The following CHRM3 variants were observed in gnomAD, a reference collection of about 807,000 sequenced individuals.
CHRM3 encodes cholinergic receptor muscarinic 3.
Under a neutral mutation model 41.8 loss-of-function variants are expected in CHRM3, and 11 were observed. That is an observed-to-expected ratio of 0.26 (90% CI 0.17 to 0.44). The LOEUF is 0.44. CHRM3 is among the 20% of genes least tolerant of loss of function. CHRM3 has a pLI of 1.00. For missense variants in CHRM3, 571 were observed against 745.4 expected (o/e 0.77, Z 2.72); for synonymous variants, 297 against 301.4 (o/e 0.99, Z 0.15).
chr1:239,776,615 G>T (rs1270265424), intron 5 of CHRM3, among the ~76,000 whole-genome samples: 1 of 152,158 alleles, frequency 6.6e-6, no homozygotes, highest in Non-Finnish European at 1.5e-5. Context: ...GAAAAAATTC[G>T]CTAAATGAGG....
At chr1:239,642,688 T>C (rs374281593) in intron 4 of CHRM3, among the ~76,000 whole-genome samples, 17 of 152,316 alleles carry the variant, frequency 1.1e-4, no homozygotes, top group South Asian at 6.2e-4. Flanking sequence ...TCAAAGTTTT[T>C]AACTTCTTTG....
At chr1:239,606,644 A>G (rs192031223) in intron 3 of CHRM3, among the ~76,000 whole-genome samples, 35 of 152,288 alleles carry the variant, frequency 2.3e-4, no homozygotes, top group African/African-American at 7.5e-4. Flanking sequence ...TGTTGCCCCA[A>G]TAATTTTTAA....
chr1:239,676,914 A>G (rs935681920), intron 4 of CHRM3, among the ~76,000 whole-genome samples: 2 of 152,232 alleles, frequency 1.3e-5, no homozygotes, highest in Non-Finnish European at 1.5e-5. Flanking sequence ...CATCGTGTGC[A>G]TAAGTTTGAT....
At chr1:239,545,179 TA>T (rs1444264404) in intron 2 of CHRM3, among the ~76,000 whole-genome samples, 2 of 152,222 alleles carry the variant, frequency 1.3e-5, no homozygotes, top group East Asian at 3.8e-4. Flanking sequence ...GAGTCAGACA[TA>T]TTTACTGACT....
At chr1:239,408,219 G>A (rs1396728555) in intron 1 of CHRM3, 1 of 152,128 alleles carries the variant, frequency 6.6e-6, no homozygotes, top group African/African-American at 2.4e-5. Flanking sequence ...TGTGAGGACA[G>A]ACGTATTTGC....
At chr1:239,540,232 T>TATCAA (rs1572649122) in intron 2 of CHRM3, among the ~76,000 whole-genome samples, 1 of 152,194 alleles carries the variant, frequency 6.6e-6, no homozygotes, top group East Asian at 1.9e-4. Context: ...TACTTTATCT[T>TATCAA]AACAAAATGT....
At chr1:239,902,270 T>C (rs564759629) in intron 6 of CHRM3, among the ~76,000 whole-genome samples, 1 of 152,310 alleles carries the variant, frequency 6.6e-6, no homozygotes, top group South Asian at 2.1e-4. Context: ...ACCACAATGC[T>C]TCTTATCTTC....
intron 1 of CHRM3, among the ~76,000 whole-genome samples, chr1:239,479,237 CAG>C (rs1356809198): frequency 1.4e-5 from 2 of 142,310 alleles, no homozygotes; most frequent in African/African-American, 5.2e-5. Flanking sequence ...CACAGAAAAA[CAG>C]AGAGACAGCA....
chr1:239,424,054 CAAAA>C (rs772980892), intron 1 of CHRM3, among the ~76,000 whole-genome samples: 3 of 78,900 alleles, frequency 3.8e-5, no homozygotes, highest in Non-Finnish European at 5.2e-5. Flanking sequence ...GACTCTGTCT[CAAAA>C]AAAAAAAAAA....
chr1:239,742,571 G>A (rs1664953216), intron 5 of CHRM3, among the ~76,000 whole-genome samples: 1 of 152,110 alleles, frequency 6.6e-6, no homozygotes, highest in Non-Finnish European at 1.5e-5. Context: ...CAAATGTCAT[G>A]CTCTTCCCAT....
At chr1:239,692,603 A>G (rs1182603091) in intron 5 of CHRM3, among the ~76,000 whole-genome samples, 1 of 152,188 alleles carries the variant, frequency 6.6e-6, no homozygotes, top group East Asian at 1.9e-4. Flanking sequence ...TTTGCAGGAT[A>G]ATCACAAAAA....
rs77212587 is a variant in CHRM3 at position 239,613,742 on chromosome 1, G to A, written c.-312-18482G>A. Among the ~76,000 whole-genome samples the A allele has an allele frequency of 3.7e-3, 568 of 152,256 alleles. 7 individuals are homozygous for A. The highest frequency in any genetic ancestry group is 0.012 in the African/African-American group (519 of 41,538). The stretch of plus-strand genomic sequence containing the variant: ...TGTGTGTTTCTTATTCTATTTATCT[G>A]TCTCATTCTGACTTACTCTCTTTTT... On this transcript the variant is annotated intron_variant, in intron 3 of 6. Transcript: ENST00000676153.
rs112775426 is a variant in CHRM3, at chr1:239,436,892, A to G, written c.-521+49665A>G. ...TTCATGGGGACTGGTGCTTTTGCCT[A>G]TCTATTTTCTGTTTTACCTTATCAT... On this transcript the variant is annotated intron_variant, in intron 1 of 6. Transcript: ENST00000676153. 3.6e-3 allele frequency among the ~76,000 whole-genome samples: 554 copies of G among 151,908 alleles called. 1 individual carries two copies. Among genetic ancestry groups the G allele is most frequent in the South Asian group, 0.019 (92 of 4,796 alleles).
At chr1:239,813,171 G>A (rs1249592877) in intron 5 of CHRM3, among the ~76,000 whole-genome samples, 1 of 152,124 alleles carries the variant, frequency 6.6e-6, no homozygotes. Flanking sequence ...CCAGCTACTT[G>A]GGAGGCTGAG....
chr1:239,878,911 T>G (rs567853973), intron 6 of CHRM3, among the ~76,000 whole-genome samples: 18 of 152,234 alleles, frequency 1.2e-4, no homozygotes, highest in African/African-American at 3.6e-4. Context: ...CTCGCTGGGG[T>G]TGACCAGGTG....
At chr1:239,623,705 G>C (rs1271450703) in intron 3 of CHRM3, among the ~76,000 whole-genome samples, 1 of 65,278 alleles carries the variant, frequency 1.5e-5, no homozygotes, top group Admixed American at 1.7e-4. Flanking sequence ...GTGTCCATGT[G>C]ATCTCATTGT....
intron 1 of CHRM3, among the ~76,000 whole-genome samples, chr1:239,412,253 C>T (rs1294509893): frequency 1.6e-5 from 2 of 128,166 alleles, no homozygotes; most frequent in African/African-American, 3.0e-5. Context: ...TTTTTTTTGT[C>T]GTTCTCCTTC....
At chr1:239,638,804 T>C (rs1558406678) in intron 4 of CHRM3, among the ~76,000 whole-genome samples, 1 of 152,162 alleles carries the variant, frequency 6.6e-6, no homozygotes, top group African/African-American at 2.4e-5. Flanking sequence ...TTTGTTGCCA[T>C]TGCTTTTGGT....
At chr1:239,565,350 A>G in intron 3 of CHRM3, among the ~76,000 whole-genome samples, 1 of 152,170 alleles carries the variant, frequency 6.6e-6, no homozygotes, top group Non-Finnish European at 1.5e-5. Context: ...CTACTGCAGT[A>G]TGAGGACTAT....
Sources: allele counts gnomAD v4.1 joint callset (sites outside exome capture counted in the v4.1 genomes callset), GRCh38; gene constraint gnomAD v4.1.1; transcripts MANE v1.5; gene names NCBI Gene and HGNC (gene_info 2026-07-23, HGNC 2026-07-21).